OSBPL5: variants seen among roughly 807,000 people sequenced by gnomAD.
OSBPL5 encodes the protein oxysterol-binding protein-related protein 5.
A neutral mutation model predicts 111.2 loss-of-function variants in OSBPL5; 71 were observed. That is an observed-to-expected ratio of 0.64 (90% CI 0.53 to 0.78). The LOEUF (loss-of-function observed/expected upper bound fraction) is 0.78, where lower values mean the gene tolerates loss of function less well. Ranked by LOEUF, OSBPL5 falls within the 30% of genes least tolerant of loss-of-function variation. The pLI, the probability that OSBPL5 is intolerant of heterozygous loss-of-function variation, is 0.00. For synonymous variants in OSBPL5, 549 were observed against 513.9 expected (o/e 1.07, Z -0.93); for missense variants, 1,210 against 1,189.3 (o/e 1.02, Z -0.26).
In OSBPL5 at chr11:3,125,444, A is replaced by G. The variant is rs1022225681; in HGVS notation, c.219+1029T>C. ...GCTAATGGGTGCACGAAGATGTTCA[A>G]TGTTATCCGTCATTAGAGATGCAAA... On this transcript the variant is annotated intron_variant, in intron 3 of 21. Transcript: ENST00000263650. 2.0e-5 allele frequency among the ~76,000 whole-genome samples: 3 copies of G among 152,346 alleles called. 1 individual carries two copies. Among genetic ancestry groups the G allele is most frequent in the African/African-American group, 7.2e-5 (3 of 41,572 alleles).
At chr11:3,114,617 TAGAC>T (rs1269210301) in intron 7 of OSBPL5, among the ~76,000 whole-genome samples, 5 of 147,980 alleles carry the variant, frequency 3.4e-5, no homozygotes, top group African/African-American at 1.3e-4. Flanking sequence ...TTTTTTTTTT[TAGAC>T]AGAGTCTCGC....
At chr11:3,088,989 G>A (rs954560371) in intron 21 of OSBPL5, among the ~76,000 whole-genome samples, 6 of 152,180 alleles carry the variant, frequency 3.9e-5, no homozygotes, top group African/African-American at 2.4e-5. Context: ...GTACTTTGCC[G>A]TGGAGGACCT....
chr11:3,101,541 G>C, intron 13 of OSBPL5, 62 bp downstream of exon 13: 4 of 1,472,558 alleles, frequency 2.7e-6, no homozygotes, highest in Non-Finnish European at 3.8e-6. Context: ...CTGGCTCCCG[G>C]AGTCCTCCCG....
Position 3,113,707 on chromosome 11 carries a change from A to G in OSBPL5, c.692-5762T>C, listed in dbSNP as rs1858094706. ...ATAAAAATAGCTACATCTTAAATTT[A>G]GTAAGATTACCATAACTTCTAATCT... On this transcript the variant is annotated intron_variant, in intron 7 of 21. Coordinates refer to ENST00000263650, the MANE Select transcript of OSBPL5 (RefSeq NM_020896.4). This position sits in a 1 kb window ranked among gnomAD's most constrained non-coding sequence, Gnocchi z 4.8. Among the ~76,000 whole-genome samples, 1 of 152,214 alleles carries G rather than the reference A, an allele frequency of 6.6e-6. No individual in the cohort carries two copies. The highest frequency in any genetic ancestry group is 6.5e-5 in the Admixed American group (1 of 15,276).
chr11:3,107,241 C>CTCCTG lies in OSBPL5; in HGVS notation c.1059+17_1059+21dup. 5.6e-6 allele frequency: 9 copies of CTCCTG among 1,605,746 alleles called. No homozygotes were observed. Among genetic ancestry groups the CTCCTG allele is most frequent in the Non-Finnish European group, 7.6e-6 (9 of 1,176,950 alleles). Reference sequence around the variant, plus strand: ...GCCGAGGCAGGGGAGACGCTTGGGGCTCCTGGCTGGGGGGCTCTCACCTCC... The same window carrying CTCCTG: ...GCCGAGGCAGGGGAGACGCTTGGGGCTCCTGTCCTGGCTGGGGGGCTCTCACCTCC... On this transcript the variant is annotated intron_variant, in intron 9 of 21. Transcript: ENST00000263650. The surrounding 1 kb of genome is among the most constrained non-coding windows in gnomAD (Gnocchi z 6.1).
At position 3,126,683 on chromosome 11, in the gene OSBPL5, A is replaced by T. The variant is rs1327844638; in HGVS notation, c.137-128T>A. On this transcript the variant is annotated intron_variant, in intron 2 of 21. Coordinates refer to ENST00000263650, the MANE Select transcript of OSBPL5 (RefSeq NM_020896.4). The surrounding 1 kb of genome is among the most constrained non-coding windows in gnomAD (Gnocchi z 6.5). ...CTGGGAGGGGCAGGAAGTCAGCCGG[A>T]GGTGGTGGCAGGAACAGGACACTGC... 1 of 666,846 alleles carries T rather than the reference A, an allele frequency of 1.5e-6. No individual in the cohort carries two copies. The highest frequency in any genetic ancestry group is 2.5e-6 in the Non-Finnish European group (1 of 402,846). 41.3% of individuals were successfully genotyped at this position (666,846 alleles called of 1,614,324 possible).
rs138062382 is a variant in OSBPL5, at chr11:3,098,255, C to G, written c.1621+1903G>C. Among the ~76,000 whole-genome samples the G allele has an allele frequency of 5.1e-4, 77 of 150,262 alleles. 4 individuals are homozygous for G. In the East Asian group the frequency reaches 7.8e-3, roughly 15 times the overall value. On this transcript the variant is annotated intron_variant, in intron 14 of 21. Coordinates refer to ENST00000263650, the MANE Select transcript of OSBPL5 (RefSeq NM_020896.4). ...CTAGAATGCAAAGAGATAAGAGATACGATGGAAACATTAAGAGAGACAAAG... is the reference window on the plus strand; with the variant it reads ...CTAGAATGCAAAGAGATAAGAGATAGGATGGAAACATTAAGAGAGACAAAG...
chr11:3,135,005 C>T (rs745372307), intron 1 of OSBPL5, among the ~76,000 whole-genome samples: 12 of 152,332 alleles, frequency 7.9e-5, no homozygotes, highest in African/African-American at 1.7e-4. Context: ...CCCCAGCCCC[C>T]GAGCTGGGCC....
chr11:3,159,188 G>A (rs999408488), intron 1 of OSBPL5, among the ~76,000 whole-genome samples: 4 of 152,188 alleles, frequency 2.6e-5, no homozygotes, highest in East Asian at 1.9e-4. Flanking sequence ...CATGAGGGTC[G>A]GTTTCTGCCC....
At chr11:3,090,769 A>C in intron 19 of OSBPL5, 73 bp from the exon 20 acceptor site, 1 of 1,513,490 alleles carries the variant, frequency 6.6e-7, no homozygotes, top group Non-Finnish European at 8.9e-7. Flanking sequence ...ACATGGTGGC[A>C]TGCTTATGCC....
chr11:3,159,824 C>G (rs1168516385), intron 1 of OSBPL5, among the ~76,000 whole-genome samples: 1 of 152,086 alleles, frequency 6.6e-6, no homozygotes, highest in Non-Finnish European at 1.5e-5. Flanking sequence ...ATGGCTGATG[C>G]TCACCCAGCG....
chr11:3,110,528 A>G lies in OSBPL5; in HGVS notation c.692-2583T>C, dbSNP rs74619851. ...TTTCCTGACCTGTCTAATGTGGATG[A>G]TAACAGTAGAACCTGTTGTTTCAAT... is the stretch of plus-strand genomic sequence containing the variant. On this transcript the variant is annotated intron_variant, in intron 7 of 21. Coordinates refer to ENST00000263650, the MANE Select transcript of OSBPL5 (RefSeq NM_020896.4). The surrounding 1 kb of genome is among the most constrained non-coding windows in gnomAD (Gnocchi z 5.3). Among the ~76,000 whole-genome samples, 3,731 of 152,298 alleles carry G rather than the reference A, an allele frequency of 0.024. 144 individuals carry two copies. Among genetic ancestry groups the G allele is most frequent in the African/African-American group, 0.084 (3,474 of 41,564 alleles).
chr11:3,116,624 GTGGGCGGA>G (rs1858214990), intron 7 of OSBPL5, among the ~76,000 whole-genome samples: 1 of 152,186 alleles, frequency 6.6e-6, no homozygotes, highest in Non-Finnish European at 1.5e-5. Flanking sequence ...GGAGGCCATG[GTGGGCGGA>G]TCACTTGAGG....
At chr11:3,159,477 C>G (rs1484855790) in intron 1 of OSBPL5, among the ~76,000 whole-genome samples, 2 of 152,190 alleles carry the variant, frequency 1.3e-5, no homozygotes, top group African/African-American at 4.8e-5. Flanking sequence ...CTCAGGGACA[C>G]CATGTACTAT....
At chr11:3,103,855 T>TTC (rs1857589626) in intron 10 of OSBPL5, among the ~76,000 whole-genome samples, 4 of 102,360 alleles carry the variant, frequency 3.9e-5, no homozygotes, top group Non-Finnish European at 8.1e-5. Flanking sequence ...CCCTTTCCAG[T>TTC]CTGCGCAGCC....
At chr11:3,152,143 G>A (rs1018653389) in intron 1 of OSBPL5, among the ~76,000 whole-genome samples, 1 of 152,212 alleles carries the variant, frequency 6.6e-6, no homozygotes. Context: ...ATTTAAGGGA[G>A]GCAGGGTGGC....
At position 3,126,395 on chromosome 11, in the gene OSBPL5, GTCCTTTTCCC is replaced by G. The variant is rs1858627219; in HGVS notation, c.219+68_219+77del. ...GGCAGGCTCAGCTGGACGCCCTGCT[GTCCTTTTCCC>G]CAGCCGTTTCCTGCTGTCCCCAGAG... is the stretch of plus-strand genomic sequence containing the variant. On this transcript the variant is annotated intron_variant, in intron 3 of 21. Coordinates refer to ENST00000263650, the MANE Select transcript of OSBPL5 (RefSeq NM_020896.4). The surrounding 1 kb of genome is among the most constrained non-coding windows in gnomAD (Gnocchi z 6.5). The G allele has an allele frequency of 6.0e-6, 8 of 1,329,318 alleles. No homozygotes were observed. The East Asian group carries it at 2.1e-4, about 35-fold the overall frequency. 82.3% of individuals were successfully genotyped at this position (1,329,318 alleles called of 1,614,324 possible).
At chr11:3,129,933 C>T (rs914311336) in intron 1 of OSBPL5, among the ~76,000 whole-genome samples, 1 of 152,264 alleles carries the variant, frequency 6.6e-6, no homozygotes, top group Admixed American at 6.5e-5. Context: ...CAGCCCCGCC[C>T]ACTGGCAGAC....
chr11:3,121,642 G>A lies in OSBPL5; in HGVS notation c.402+355C>T, dbSNP rs553489177. Among the ~76,000 whole-genome samples the A allele has an allele frequency of 5.9e-5, 9 of 152,322 alleles. No individual in the cohort carries two copies. The highest frequency in any genetic ancestry group is 3.3e-4 in the Admixed American group (5 of 15,304). ...GTCTGAACACAGGACACCCGGCCCT[G>A]ATGTGGGGTCCTCTCCCAGAAGCCA... is the stretch of plus-strand genomic sequence containing the variant. On this transcript the variant is annotated intron_variant, in intron 5 of 21. Coordinates refer to ENST00000263650, the MANE Select transcript of OSBPL5 (RefSeq NM_020896.4). The surrounding 1 kb of genome is among the most constrained non-coding windows in gnomAD (Gnocchi z 4.3).
Sources: allele counts gnomAD v4.1 joint callset (sites outside exome capture counted in the v4.1 genomes callset), GRCh38; gene constraint gnomAD v4.1.1; non-coding constraint Gnocchi (gnomAD v3.1); transcripts MANE v1.5; gene names NCBI Gene and HGNC (gene_info 2026-07-23, HGNC 2026-07-21).